The following SAFB variants were observed in gnomAD, a reference collection of about 807,000 sequenced individuals.
SAFB encodes the protein scaffold attachment factor B1.
A neutral mutation model predicts 101.6 loss-of-function variants in SAFB; 15 were observed. That is an observed-to-expected ratio of 0.15 (90% CI 0.10 to 0.23). The LOEUF is 0.23. SAFB is among the 10% of genes least tolerant of loss of function. SAFB has a pLI of 1.00. For synonymous variants in SAFB, 449 were observed against 407.5 expected, an observed-to-expected ratio of 1.10 and a Z score of -1.23; for missense variants, 930 against 1,104.1, an observed-to-expected ratio of 0.84 and a Z score of 2.23.
chr19:5,636,233 A>T (rs1301458552), intron 2 of SAFB, among the ~76,000 whole-genome samples: 1 of 152,052 alleles, frequency 6.6e-6, no homozygotes, highest in Non-Finnish European at 1.5e-5. Flanking sequence ...CACCGTATGG[A>T]GGGCAGCAAG....
intron 4 of SAFB, among the ~76,000 whole-genome samples, chr19:5,644,645 T>A (rs757228763): frequency 1.1e-4 from 16 of 152,234 alleles, no homozygotes; most frequent in Non-Finnish European, 2.2e-4. Context: ...TTATAAAATA[T>A]CTGAAAACGT....
intron 2 of SAFB, among the ~76,000 whole-genome samples, chr19:5,633,035 T>C (rs148108329): frequency 7.1e-4 from 108 of 152,382 alleles, no homozygotes; most frequent in Non-Finnish European, 6.3e-4. Context: ...TTTTCACAGT[T>C]ACATTTGTGG....
intron 13 of SAFB, among the ~76,000 whole-genome samples, chr19:5,654,861 C>T (rs2054019050): frequency 6.6e-6 from 1 of 152,256 alleles, no homozygotes; most frequent in South Asian, 2.1e-4. Context: ...AGCCACTGCG[C>T]CCAGCCTCAA....
chr19:5,634,573 C>G (rs1464060417), intron 2 of SAFB, among the ~76,000 whole-genome samples: 1 of 152,036 alleles, frequency 6.6e-6, no homozygotes, highest in Non-Finnish European at 1.5e-5. Context: ...AGTTTTAACT[C>G]TCTGTTAAGA....
At chr19:5,650,534 C>G (rs1489184984) in intron 8 of SAFB, among the ~76,000 whole-genome samples, 2 of 152,176 alleles carry the variant, frequency 1.3e-5, no homozygotes, top group Non-Finnish European at 2.9e-5. Flanking sequence ...GCCTCAGCCT[C>G]CTGAGTAGCT....
intron 11 of SAFB, 66 bp from the exon 12 acceptor site, chr19:5,653,994 TC>T: frequency 6.6e-7 from 1 of 1,506,464 alleles, no homozygotes; most frequent in Non-Finnish European, 9.1e-7. Context: ...GCCCGCCTCA[TC>T]CCCCCAAAGT....
At chr19:5,654,563 G>A in intron 13 of SAFB, 107 bp downstream of exon 13, 1 of 788,054 alleles carries the variant, frequency 1.3e-6, no homozygotes, top group East Asian at 2.5e-5. Flanking sequence ...GCTTTTGTCG[G>A]CCGTTTCGAA....
chr19:5,638,102 A>G (rs1043656178), intron 2 of SAFB, among the ~76,000 whole-genome samples: 1 of 152,230 alleles, frequency 6.6e-6, no homozygotes, highest in Non-Finnish European at 1.5e-5. Flanking sequence ...CTATATAAAT[A>G]CTGCTGTTTG....
intron 2 of SAFB, among the ~76,000 whole-genome samples, chr19:5,639,586 A>T (rs1026997381): frequency 1.3e-5 from 2 of 150,902 alleles, no homozygotes; most frequent in African/African-American, 4.9e-5. Context: ...CCAGCTACTC[A>T]GGCGGCTGAG....
chr19:5,643,612 T>C (rs2053766923), intron 4 of SAFB, among the ~76,000 whole-genome samples: 2 of 152,152 alleles, frequency 1.3e-5, no homozygotes, highest in South Asian at 2.1e-4. Context: ...GCTGTTTTTT[T>C]CCCTCCTAAG....
Position 5,667,278 on chromosome 19 carries a change from G to A in SAFB, c.2454-69G>A. On this transcript the variant is annotated intron_variant, in intron 18 of 20. Coordinates refer to ENST00000588852, the MANE Select transcript of SAFB (RefSeq NM_001201338.2). The surrounding 1 kb of genome is among the most constrained non-coding windows in gnomAD (Gnocchi z 4.0). ...ACACAGAGGGATTCACTCTCCAGAAGCCGCCACAGTTATTAGCACAAGAGC... is the reference window on the plus strand; with the variant it reads ...ACACAGAGGGATTCACTCTCCAGAAACCGCCACAGTTATTAGCACAAGAGC... The A allele has an allele frequency of 1.5e-6, 2 of 1,323,518 alleles. No individual in the cohort carries two copies. Among genetic ancestry groups the A allele is most frequent in the Non-Finnish European group, 2.0e-6 (2 of 978,106 alleles). The allele number at this position is 1,323,518 out of a possible 1,614,324, so 82.0% of individuals were successfully genotyped here. A position where few individuals can be genotyped will look rare whatever the true frequency, so the allele number is the denominator to read the frequency against.
rs772448796 is a variant in SAFB, at chr19:5,626,417, G to A, written c.202G>A (p.Glu68Lys). The stretch of plus-strand genomic sequence containing the variant: ...CCCTTCTTTTTAGGCAATTGAAGAT[G>A]AAGGTGGTAATCCTGACGAAATTGA... ...MERLKKAIED[E>K]GGNPDEIEIT... The change falls in exon 2 of 21, where the codon GAA becomes AAA. Residue 68 changes from glutamate to lysine, a missense_variant. Physicochemically the swap from Glu to Lys is moderately conservative, Grantham distance 56. This residue lies in a region of SAFB where 119 missense variants were observed against 171.4 expected (regional missense o/e 0.69). Transcript: ENST00000588852. The A allele has an allele frequency of 1.2e-6, 2 of 1,603,776 alleles. No homozygotes were observed.
chr19:5,642,677 T>TTTTTTTTTTTC (rs1162835303), intron 4 of SAFB, among the ~76,000 whole-genome samples: 1 of 140,160 alleles, frequency 7.1e-6, no homozygotes, highest in East Asian at 2.1e-4. Flanking sequence ...TTTTTTTTTT[T>TTTTTTTTTTTC]CTGAGACAGA....
intron 9 of SAFB, among the ~76,000 whole-genome samples, chr19:5,651,737 C>G (rs533552057): frequency 9.2e-5 from 14 of 152,214 alleles, no homozygotes; most frequent in Non-Finnish European, 1.8e-4. Flanking sequence ...AGACTTGCCT[C>G]CCAAACAGCC....
At chr19:5,641,559 A>G (rs760706337) in intron 2 of SAFB, 35 bp from the exon 3 acceptor site, 3 of 1,588,106 alleles carry the variant, frequency 1.9e-6, no homozygotes, top group Non-Finnish European at 8.6e-7. Context: ...AGTGCGTATC[A>G]TTTGATCTCA....
At chr19:5,642,321 G>T (rs1052368224) in intron 4 of SAFB, among the ~76,000 whole-genome samples, 2 of 152,176 alleles carry the variant, frequency 1.3e-5, no homozygotes, top group Non-Finnish European at 2.9e-5. Flanking sequence ...GTGCCTTGAT[G>T]CACTCATGTA....
chr19:5,660,342 CTTTTTTTTTTTT>C (rs11360129), intron 14 of SAFB, among the ~76,000 whole-genome samples: 24 of 50,908 alleles, frequency 4.7e-4, no homozygotes, highest in Admixed American at 2.0e-3. Flanking sequence ...CTGCACACAC[CTTTTTTTTTTTT>C]TTTTTTTTTT....
At chr19:5,654,345 C>A (rs772256562) in intron 12 of SAFB, 23 bp from the exon 13 acceptor site, 9 of 1,602,038 alleles carry the variant, frequency 5.6e-6, no homozygotes, top group Admixed American at 3.3e-5. Context: ...TTTCCACTTA[C>A]ACTTTCCCCG....
intron 2 of SAFB, among the ~76,000 whole-genome samples, chr19:5,629,061 C>T (rs2053431852): frequency 1.3e-5 from 2 of 152,096 alleles, no homozygotes; most frequent in East Asian, 1.9e-4. Flanking sequence ...CCCCACAAAA[C>T]GTTTAGATTT....
Sources: gnomAD v4.1 joint callset for allele counts (sites outside exome capture counted in the v4.1 genomes callset) on GRCh38, gnomAD v4.1.1 for gene constraint, gnomAD v4.1.1 regional missense constraint, Gnocchi (gnomAD v3.1) non-coding constraint, MANE v1.5 for transcripts, NCBI Gene and HGNC (gene_info 2026-07-23, HGNC 2026-07-21) for gene names.